The following TAPBPL variants were observed in gnomAD, a reference collection of about 807,000 sequenced individuals.
The protein encoded by TAPBPL is tapasin-related protein.
Under a neutral mutation model 44.8 loss-of-function variants are expected in TAPBPL, and 32 were observed. The ratio of observed to expected loss-of-function variants is 0.71; its 90% confidence interval spans 0.54 to 0.96. The LOEUF (loss-of-function observed/expected upper bound fraction) is 0.96. Ranked by LOEUF, TAPBPL falls within the 40% of genes least tolerant of loss-of-function variation. The pLI is 0.00. For missense variants in TAPBPL, 520 were observed against 586.6 expected, an observed-to-expected ratio of 0.89 and a Z score of 1.17; for synonymous variants, 230 against 240.7, an observed-to-expected ratio of 0.96 and a Z score of 0.41.
upstream of TAPBPL, chr12:6,451,870 T>C (rs1345809729): frequency 3.1e-6 from 1 of 327,692 alleles, no homozygotes; most frequent in Non-Finnish European, 5.8e-6. Flanking sequence ...CAGGCTACTG[T>C]GGATCCTGTG....
intron 6 of TAPBPL, 187 bp downstream of exon 6, chr12:6,461,125 T>A: frequency 7.1e-7 from 1 of 1,415,550 alleles, no homozygotes; most frequent in Non-Finnish European, 9.2e-7. Flanking sequence ...TTCTCCTAGC[T>A]ACCTCACTAA....
chr12:6,458,697 C>T lies in TAPBPL; in HGVS notation c.957C>T (p.Leu319=). The T allele has an allele frequency of 1.9e-6, 3 of 1,614,236 alleles. No homozygotes were observed. Among genetic ancestry groups the T allele is most frequent in the Non-Finnish European group, 2.5e-6 (3 of 1,180,050 alleles). Residue 319 remains leucine, a synonymous_variant, in exon 5 of 7, where the codon CTC becomes CTT. Transcript: ENST00000266556. ...SLANEALLPT[L]ICDIAGYYPL... The stretch of plus-strand genomic sequence containing the variant: ...CAAACGAAGCTCTGCTGCCCACCCT[C>T]ATCTGCGACATTGCTGGCTATTACC...
Position 6,462,259 on chromosome 12 carries a change from T to G in TAPBPL, c.*110T>G. 1.0e-6 allele frequency: 1 copy of G among 980,768 alleles called. No homozygotes were observed. The highest frequency in any genetic ancestry group is 1.7e-5 in the South Asian group (1 of 60,156). 60.8% of individuals were successfully genotyped at this position (980,768 alleles called of 1,614,324 possible). ...CAGTTTAATGGTAGGAATTTGTATT[T>G]TTTGCCTTTGTTCAGAATACATGAC... On this transcript the variant is annotated 3_prime_UTR_variant, in exon 7 of 7. Transcript: ENST00000266556.
chr12:6,467,581 T>C (rs2137011375), downstream of TAPBPL, among the ~76,000 whole-genome samples: 1 of 152,322 alleles, frequency 6.6e-6, no homozygotes, highest in East Asian at 1.9e-4. Flanking sequence ...AAAACCATTT[T>C]TTTGAGAAGA....
chr12:6,459,006 C>T, intron 5 of TAPBPL, 59 bp downstream of exon 5: 1 of 1,559,040 alleles, frequency 6.4e-7, no homozygotes, highest in East Asian at 2.3e-5. Context: ...CTCTCCTGCC[C>T]CAGCTCATCT....
downstream of TAPBPL, chr12:6,465,998 C>T: frequency 2.5e-6 from 4 of 1,614,228 alleles, no homozygotes; most frequent in Non-Finnish European, 3.4e-6. Flanking sequence ...TGATGTCCAC[C>T]ACCTGAGGAG....
intron 3 of TAPBPL, among the ~76,000 whole-genome samples, chr12:6,454,015 C>CA (rs568380803): frequency 9.8e-4 from 127 of 129,662 alleles, no homozygotes; most frequent in East Asian, 1.5e-3. Flanking sequence ...AACTCCATCT[C>CA]AAAAAAAAAA....
Position 6,462,311 on chromosome 12 carries a change from G to A in TAPBPL, c.*162G>A. 3 of 600,494 alleles carry A rather than the reference G, an allele frequency of 5.0e-6. No homozygotes were observed. Among genetic ancestry groups the A allele is most frequent in the South Asian group, 4.1e-5 (2 of 48,206 alleles). 37.2% of individuals were successfully genotyped at this position (600,494 alleles called of 1,614,324 possible). A position where few individuals can be genotyped will look rare whatever the true frequency, so the allele number is the denominator to read the frequency against. ...TTGGTAAATATGCCACATGCCTTTG[G>A]TGGAAGTACAACTGTTGTTATTACT... On this transcript the variant is annotated 3_prime_UTR_variant, in exon 7 of 7. Transcript: ENST00000266556.
At chr12:6,452,494 G>C (rs778875020) in intron 1 of TAPBPL, 182 bp downstream of exon 1, 2 of 1,438,078 alleles carry the variant, frequency 1.4e-6, no homozygotes, top group African/African-American at 2.9e-5. Context: ...GTGGAGGGAG[G>C]GTGGGGACTC....
chr12:6,456,683 T>G (rs1949710761), intron 3 of TAPBPL, among the ~76,000 whole-genome samples: 1 of 150,462 alleles, frequency 6.6e-6, no homozygotes, highest in Admixed American at 6.6e-5. Context: ...AGACGGAGTT[T>G]CACTCGTCGC....
At chr12:6,464,810 C>T, downstream of TAPBPL, 1 of 1,604,208 alleles carries the variant, frequency 6.2e-7, no homozygotes, top group South Asian at 1.1e-5. Flanking sequence ...GCCCCACTCC[C>T]CAGGCAGGCA....
At chr12:6,469,839 T>C (rs1945725734), downstream of TAPBPL, among the ~76,000 whole-genome samples, 1 of 152,206 alleles carries the variant, frequency 6.6e-6, no homozygotes, top group Non-Finnish European at 1.5e-5. Flanking sequence ...GGGGGAAAGC[T>C]CAGCTCTCCC....
chr12:6,470,560 T>A (rs1945747701), downstream of TAPBPL: 2 of 1,613,840 alleles, frequency 1.2e-6, no homozygotes, highest in South Asian at 2.2e-5. Flanking sequence ...GAGGGTCTGT[T>A]CCTCTCCGGA....
chr12:6,456,333 GCA>G (rs1312599297), intron 3 of TAPBPL, among the ~76,000 whole-genome samples: 90 of 150,872 alleles, frequency 6.0e-4, no homozygotes, highest in African/African-American at 2.1e-3. Flanking sequence ...TTTAGGTTAA[GCA>G]TGTTTGGCAC....
chr12:6,452,122 G>C lies in TAPBPL; in HGVS notation c.-127G>C. The C allele has an allele frequency of 8.5e-7, 1 of 1,173,202 alleles. No homozygotes were observed. Among genetic ancestry groups the C allele is most frequent in the South Asian group, 1.3e-5 (1 of 74,864 alleles). 72.7% of individuals were successfully genotyped at this position (1,173,202 alleles called of 1,614,324 possible). ...AAAAGTCGGCAGCAGAGGGAACAGG[G>C]AAGAAACCTAAAGGCTGCAGGCTGC... is the stretch of plus-strand genomic sequence containing the variant. On this transcript the variant is annotated 5_prime_UTR_variant, in exon 1 of 7. Transcript: ENST00000266556.
chr12:6,466,397 A>T, downstream of TAPBPL: 2 of 1,583,174 alleles, frequency 1.3e-6, no homozygotes, highest in Non-Finnish European at 1.7e-6. Flanking sequence ...CAAGACAAGA[A>T]AGGAGCTGGG....
downstream of TAPBPL, chr12:6,470,484 A>T: frequency 6.2e-7 from 1 of 1,613,510 alleles, no homozygotes; most frequent in Non-Finnish European, 8.5e-7. Context: ...GCTTGGGGCG[A>T]GAGTTGTCAA....
intron 1 of TAPBPL, 130 bp downstream of exon 1, chr12:6,452,442 GA>G: frequency 7.0e-7 from 1 of 1,427,896 alleles, no homozygotes; most frequent in Non-Finnish European, 9.3e-7. Context: ...CCCAACAGGG[GA>G]AAGGCTCAGC....
At chr12:6,462,963 C>T (rs1446174834), downstream of TAPBPL, 2 of 1,552,982 alleles carry the variant, frequency 1.3e-6, no homozygotes, top group African/African-American at 2.7e-5. Flanking sequence ...ATGGCCTCAG[C>T]CTCTTCCTGT....
Sources: allele counts gnomAD v4.1 joint callset (sites outside exome capture counted in the v4.1 genomes callset), GRCh38; gene constraint gnomAD v4.1.1; transcripts MANE v1.5; gene names NCBI Gene and HGNC (gene_info 2026-07-23, HGNC 2026-07-21).